Variants in CALN1 observed in about 807,000 individuals in gnomAD.
CALN1 encodes calcium-binding protein 8.
CALN1 carries 17 observed loss-of-function variants against 30.6 expected under a neutral mutation model. That is an observed-to-expected ratio of 0.56 (90% CI 0.38 to 0.83). The LOEUF (loss-of-function observed/expected upper bound fraction) is 0.83, where lower values mean the gene tolerates loss of function less well. Among genes scored for constraint, CALN1 ranks in the 40% least tolerant of loss-of-function variants. CALN1 has a pLI of 0.00. For missense variants in CALN1, 291 were observed against 354.9 expected, an observed-to-expected ratio of 0.82 and a Z score of 1.45; for synonymous variants, 156 against 131.4, an observed-to-expected ratio of 1.19 and a Z score of -1.28.
chr7:72,219,577 G>A (rs956950638), intron 3 of CALN1, among the ~76,000 whole-genome samples: 5 of 151,884 alleles, frequency 3.3e-5, no homozygotes, highest in African/African-American at 1.2e-4. Context: ...TCAATCAGAG[G>A]TGCAACATGT....
intron 5 of CALN1, among the ~76,000 whole-genome samples, chr7:72,000,141 A>C (rs568790471): frequency 5.9e-5 from 9 of 152,162 alleles, no homozygotes; most frequent in Non-Finnish European, 1.2e-4. Flanking sequence ...ACAAAACAAA[A>C]AGCTACAAAG....
intron 4 of CALN1, among the ~76,000 whole-genome samples, chr7:72,031,362 T>C (rs986200714): frequency 1.3e-5 from 2 of 152,224 alleles, no homozygotes; most frequent in Admixed American, 6.5e-5. Context: ...TAGGAACTAC[T>C]TATTTAACAC....
intron 3 of CALN1, among the ~76,000 whole-genome samples, chr7:72,135,569 G>C (rs1309630474): frequency 6.6e-6 from 1 of 152,154 alleles, no homozygotes; most frequent in Admixed American, 6.6e-5. Flanking sequence ...TCAACAGTGA[G>C]CTTAAAATAT....
chr7:71,925,952 T>C (rs529722423), intron 5 of CALN1, among the ~76,000 whole-genome samples: 18 of 152,064 alleles, frequency 1.2e-4, no homozygotes, highest in Non-Finnish European at 2.6e-4. Flanking sequence ...CTCCTGGGTT[T>C]AAATGATTCT....
intron 2 of CALN1, among the ~76,000 whole-genome samples, chr7:72,331,665 A>T (rs1002048053): frequency 2.6e-5 from 4 of 151,908 alleles, no homozygotes; most frequent in Non-Finnish European, 5.9e-5. Flanking sequence ...TATTCATTTT[A>T]TTTTTTTTCC....
At chr7:72,205,567 T>TATATATATACACATATATATATATAC (rs1562733737) in intron 3 of CALN1, among the ~76,000 whole-genome samples, 1 of 118,204 alleles carries the variant, frequency 8.5e-6, no homozygotes, top group African/African-American at 3.6e-5. Context: ...TATATATATA[T>TATATATATACACATATATATATATAC]GTATATATAT....
intron 2 of CALN1, among the ~76,000 whole-genome samples, chr7:72,362,064 A>G (rs918685046): frequency 6.6e-6 from 1 of 152,172 alleles, no homozygotes; most frequent in Non-Finnish European, 1.5e-5. Flanking sequence ...TATATTGTGT[A>G]ACCATAGTGC....
intron 6 of CALN1, among the ~76,000 whole-genome samples, chr7:71,806,767 C>T (rs1302988519): frequency 6.6e-6 from 1 of 152,202 alleles, no homozygotes; most frequent in African/African-American, 2.4e-5. Context: ...TTTCCACATC[C>T]TGATGGTTTC....
At chr7:71,795,085 C>T (rs1232362464) in intron 6 of CALN1, among the ~76,000 whole-genome samples, 1 of 152,042 alleles carries the variant, frequency 6.6e-6, no homozygotes, top group East Asian at 1.9e-4. Flanking sequence ...TGCAGTGGCA[C>T]GATATTGGCT....
chr7:71,978,972 G>GA (rs1472359488), intron 5 of CALN1, among the ~76,000 whole-genome samples: 1 of 152,182 alleles, frequency 6.6e-6, no homozygotes, highest in Non-Finnish European at 1.5e-5. Context: ...GATGTTTGCA[G>GA]AGAGAACAGC....
intron 5 of CALN1, among the ~76,000 whole-genome samples, chr7:71,912,691 A>G (rs1794486296): frequency 1.3e-5 from 2 of 152,134 alleles, no homozygotes; most frequent in African/African-American, 4.8e-5. Context: ...GTAAGTTATG[A>G]CTGCACAACC....
chr7:72,002,429 T>C (rs1000170959), intron 5 of CALN1, among the ~76,000 whole-genome samples: 2 of 152,170 alleles, frequency 1.3e-5, no homozygotes, highest in Non-Finnish European at 2.9e-5. Flanking sequence ...GCAAAGCAGA[T>C]ATATGGGTAA....
chr7:71,971,909 C>A (rs1584643912), intron 5 of CALN1, among the ~76,000 whole-genome samples: 1 of 97,164 alleles, frequency 1.0e-5, no homozygotes, highest in Admixed American at 1.6e-4. Context: ...CCAGCCTGAG[C>A]AACAGAGTGG....
rs1001579352 is a variant in CALN1 at position 72,000,546 on chromosome 7, G to GA, written c.501+23110dup. Reference sequence around the variant, plus strand: ...ATAATTTAAAAGATTTTGAAAAAAAGAAAAAATCTCCAAGCCTAAATAGTT... The same window carrying GA: ...ATAATTTAAAAGATTTTGAAAAAAAGAAAAAAATCTCCAAGCCTAAATAGTT... On this transcript the variant is annotated intron_variant, in intron 5 of 6. Coordinates refer to ENST00000395275, the MANE Select transcript of CALN1 (RefSeq NM_031468.4). 3.1e-4 allele frequency among the ~76,000 whole-genome samples: 47 copies of GA among 151,826 alleles called. 1 individual carries two copies. The highest frequency in any genetic ancestry group is 2.6e-3 in the Admixed American group (39 of 15,266).
intron 2 of CALN1, among the ~76,000 whole-genome samples, chr7:72,286,670 T>C (rs1798099033): frequency 6.6e-6 from 1 of 152,200 alleles, no homozygotes; most frequent in Non-Finnish European, 1.5e-5. Flanking sequence ...GTTCCCCTGT[T>C]AAAATCCTGC....
At chr7:72,075,918 G>GTC (rs1432258026) in intron 4 of CALN1, among the ~76,000 whole-genome samples, 1 of 152,182 alleles carries the variant, frequency 6.6e-6, no homozygotes, top group East Asian at 1.9e-4. Flanking sequence ...GAGAGTGGAT[G>GTC]TCTCTCTGGG....
chr7:72,238,435 T>C (rs1198796294), intron 3 of CALN1, among the ~76,000 whole-genome samples: 2 of 152,142 alleles, frequency 1.3e-5, no homozygotes, highest in Admixed American at 6.6e-5. Flanking sequence ...TATTTAATGA[T>C]TTTTTTATTT....
chr7:72,193,977 GAGATAAGACTACACATTGGGTAC>G (rs2129547006), intron 3 of CALN1, among the ~76,000 whole-genome samples: 1 of 152,250 alleles, frequency 6.6e-6, no homozygotes, highest in East Asian at 1.9e-4. Context: ...GAGGGGGTGA[GAGATAAGACTACACATTGGGTAC>G]AGTGTACACT....
chr7:72,048,567 C>T (rs904233870), intron 4 of CALN1, among the ~76,000 whole-genome samples: 1 of 152,112 alleles, frequency 6.6e-6, no homozygotes, highest in Non-Finnish European at 1.5e-5. Context: ...ATATACTCCT[C>T]TGTTATGTTA....
Sources: allele counts gnomAD v4.1 joint callset (sites outside exome capture counted in the v4.1 genomes callset), GRCh38; gene constraint gnomAD v4.1.1; transcripts MANE v1.5; gene names NCBI Gene and HGNC (gene_info 2026-07-23, HGNC 2026-07-21).